The following ASTN1 variants were observed in gnomAD, a reference collection of about 807,000 sequenced individuals.
ASTN1 encodes astrotactin-1.
ASTN1 carries 41 observed loss-of-function variants against 140.7 expected under a neutral mutation model. The ratio of observed to expected loss-of-function variants is 0.29; its 90% CI spans 0.23 to 0.38. ASTN1 has a LOEUF of 0.38. ASTN1 is among the 10% of genes least tolerant of loss of function. The pLI is 1.00. For missense variants in ASTN1, 1,479 were observed against 1,678.8 expected, an observed-to-expected ratio of 0.88 and a Z score of 2.08; for synonymous variants, 640 against 652.2, an observed-to-expected ratio of 0.98 and a Z score of 0.29.
In ASTN1 at chr1:177,030,797, C is replaced by G; in HGVS notation, c.1012+9G>C. On this transcript the variant is annotated intron_variant, in intron 4 of 22. Transcript: ENST00000361833. ...TCCACCCACGAGCCCTAATGTCAGA[C>G]ATGCATACCTCTTGCTTTGTTGTTG... The G allele has an allele frequency of 6.2e-7, 1 of 1,614,006 alleles. No homozygotes were observed. The highest frequency in any genetic ancestry group is 8.5e-7 in the Non-Finnish European group (1 of 1,179,914).
chr1:176,980,896 T>C (rs553779101), intron 8 of ASTN1, among the ~76,000 whole-genome samples: 9 of 152,266 alleles, frequency 5.9e-5, no homozygotes, highest in Admixed American at 5.2e-4. Context: ...GGGTTTATTA[T>C]GCGCCAGATA....
At position 177,033,416 on chromosome 1, in the gene ASTN1, G is replaced by T. The variant is rs74127282; in HGVS notation, c.472-567C>A. Reference sequence around the variant, plus strand: ...ACTTAACCACCCAGGGTGGTTGTAAGAATTAGGTTAGCTAACTATGTAAAG... The same window carrying T: ...ACTTAACCACCCAGGGTGGTTGTAATAATTAGGTTAGCTAACTATGTAAAG... On this transcript the variant is annotated intron_variant, in intron 2 of 22. Coordinates refer to ENST00000361833, the MANE Select transcript of ASTN1 (RefSeq NM_004319.3). 2.7e-3 allele frequency among the ~76,000 whole-genome samples: 407 copies of T among 152,252 alleles called. 2 individuals are homozygous for T. The highest frequency in any genetic ancestry group is 0.014 in the Middle Eastern group (4 of 294).
chr1:177,000,028 AAAG>A (rs2101911597), intron 8 of ASTN1, among the ~76,000 whole-genome samples: 1 of 152,344 alleles, frequency 6.6e-6, no homozygotes, highest in South Asian at 2.1e-4. Context: ...CAAATTACAT[AAAG>A]AAGAAGGGAT....
At chr1:176,949,098 T>A (rs1251936142) in intron 12 of ASTN1, 87 bp downstream of exon 12, 2 of 1,545,118 alleles carry the variant, frequency 1.3e-6, no homozygotes, top group Admixed American at 3.4e-5. Flanking sequence ...GGTGACCTAT[T>A]CACTCACATT....
At chr1:176,916,627 G>A (rs1454370846) in intron 16 of ASTN1, among the ~76,000 whole-genome samples, 2 of 151,882 alleles carry the variant, frequency 1.3e-5, no homozygotes, top group Admixed American at 6.6e-5. Flanking sequence ...CTAAATTAAC[G>A]TCATATCAAC....
At chr1:177,138,766 G>C (rs1248197018) in intron 1 of ASTN1, among the ~76,000 whole-genome samples, 1 of 152,044 alleles carries the variant, frequency 6.6e-6, no homozygotes, top group African/African-American at 2.4e-5. Flanking sequence ...TGCTACCTGA[G>C]TGAAGGCACA....
At position 176,946,089 on chromosome 1, in the gene ASTN1, C is replaced by T. The variant is rs267598196; in HGVS notation, c.2086G>A (p.Gly696Arg). The change falls in exon 13 of 23, where the codon GGA becomes AGA. Residue 696 changes from glycine (G) to arginine (R), a missense_variant. Coordinates refer to ENST00000361833, the MANE Select transcript of ASTN1 (RefSeq NM_004319.3). The stretch of plus-strand genomic sequence containing the variant: ...TCCGTGATGAGTTGGCAAGAGCGTC[C>T]ATCCACACCAAGCTTGTAGTCCTCG... ...CIEDYKLGVD[G>R]RSCQLITETC... 1.2e-6 allele frequency: 2 copies of T among 1,613,166 alleles called. No homozygotes were observed. Among genetic ancestry groups the T allele is most frequent in the South Asian group, 2.2e-5 (2 of 90,940 alleles).
At chr1:176,896,001 G>A (rs934977882) in intron 16 of ASTN1, among the ~76,000 whole-genome samples, 1 of 152,172 alleles carries the variant, frequency 6.6e-6, no homozygotes, top group Non-Finnish European at 1.5e-5. Context: ...CTGGACCTTT[G>A]GAGGCACTGG....
At position 177,014,827 on chromosome 1, in the gene ASTN1, T is replaced by C; in HGVS notation, c.1487A>G (p.His496Arg). The change falls in exon 8 of 23, where the codon CAC becomes CGC. Residue 496 changes from histidine (H) to arginine (R), a missense_variant. Physicochemically the swap from His to Arg is conservative, Grantham distance 29 (BLOSUM62 0). Transcript: ENST00000361833. ...EGYMKDPVHK[H>R]LCIRNEWGTN... Reference sequence around the variant, plus strand: ...CCCCCATTCGTTCCGAATGCAAAGGTGCTTATGTACTGGATCCTTCATGTA... The same window carrying C: ...CCCCCATTCGTTCCGAATGCAAAGGCGCTTATGTACTGGATCCTTCATGTA... 6.2e-7 allele frequency: 1 copy of C among 1,613,852 alleles called. No homozygotes were observed. Among genetic ancestry groups the C allele is most frequent in the Non-Finnish European group, 8.5e-7 (1 of 1,179,820 alleles).
intron 7 of ASTN1, among the ~76,000 whole-genome samples, chr1:177,015,273 A>C (rs1296680039): frequency 1.3e-5 from 2 of 152,228 alleles, no homozygotes; most frequent in Non-Finnish European, 2.9e-5. Flanking sequence ...GAATTATTTC[A>C]CCAAATATTT....
chr1:177,024,439 T>C, intron 6 of ASTN1, 144 bp downstream of exon 6: 2 of 1,058,748 alleles, frequency 1.9e-6, no homozygotes, highest in Non-Finnish European at 2.7e-6. Flanking sequence ...AATACAATTG[T>C]ATCCTCATCC....
chr1:177,080,903 G>A (rs1360012302), intron 1 of ASTN1, among the ~76,000 whole-genome samples: 2 of 152,178 alleles, frequency 1.3e-5, no homozygotes, highest in African/African-American at 2.4e-5. Context: ...AGGGGTGCAT[G>A]AGGCTTAAAT....
chr1:176,961,005 C>A (rs532504419), intron 9 of ASTN1, among the ~76,000 whole-genome samples: 1 of 152,156 alleles, frequency 6.6e-6, no homozygotes, highest in Non-Finnish European at 1.5e-5. Context: ...TATCCATCAC[C>A]ACTCAGAAGA....
chr1:177,080,202 T>C (rs1204666910), intron 1 of ASTN1, among the ~76,000 whole-genome samples: 1 of 149,040 alleles, frequency 6.7e-6, no homozygotes. Context: ...GTCCTTCCTC[T>C]TCCCTTCCTA....
intron 1 of ASTN1, among the ~76,000 whole-genome samples, chr1:177,114,764 A>T (rs1043801148): frequency 1.2e-4 from 19 of 152,198 alleles, no homozygotes; most frequent in Admixed American, 8.5e-4. Flanking sequence ...CATTGCCACA[A>T]ACATATACCT....
chr1:177,017,548 T>A (rs1420598067), intron 7 of ASTN1, among the ~76,000 whole-genome samples: 1 of 152,152 alleles, frequency 6.6e-6, no homozygotes, highest in Non-Finnish European at 1.5e-5. Flanking sequence ...CCCACAAGGG[T>A]GTTGGATGCC....
In ASTN1 at chr1:176,957,741, G is replaced by A. The variant is rs147566835; in HGVS notation, c.1824C>T (p.Asn608=). Residue 608 remains asparagine (N), a synonymous_variant, in exon 11 of 23, where the codon AAC becomes AAT. Transcript: ENST00000361833. The stretch of plus-strand genomic sequence containing the variant: ...AGCGGAAATTCTTACTGCAGCCCCC[G>A]TTATCTTTGCTGCAGTCGCGCACCG... ...FGPVRDCSKD[N]GGCSKNFRCI... is the part of the protein sequence containing the mutation. The A allele has an allele frequency of 1.0e-4, 161 of 1,614,036 alleles. No individual in the cohort carries two copies. In the East Asian group the frequency reaches 2.8e-3, roughly 28 times the overall value.
intron 22 of ASTN1, among the ~76,000 whole-genome samples, chr1:176,867,905 G>T (rs1668184100): frequency 6.7e-6 from 1 of 150,280 alleles, no homozygotes; most frequent in African/African-American, 2.5e-5. Flanking sequence ...ATTCTATAGT[G>T]TTGATTTTCT....
chr1:176,870,703 T>G (rs193147022), intron 21 of ASTN1, among the ~76,000 whole-genome samples: 76 of 152,362 alleles, frequency 5.0e-4, no homozygotes, highest in South Asian at 8.3e-4. Context: ...CATATTTAGC[T>G]GCATTGCAAA....
Sources: allele counts gnomAD v4.1 joint callset (sites outside exome capture counted in the v4.1 genomes callset), GRCh38; gene constraint gnomAD v4.1.1; transcripts MANE v1.5; gene names NCBI Gene and HGNC (gene_info 2026-07-23, HGNC 2026-07-21).